The following ANO6 variants were observed in gnomAD, a reference collection of about 807,000 sequenced individuals.
ANO6 encodes anoctamin-6.
ANO6 carries 106 observed loss-of-function variants against 117.5 expected under a neutral mutation model. The observed-to-expected ratio is 0.90, with a 90% confidence interval of 0.77 to 1.06. The LOEUF is 1.06. Ranked by LOEUF, ANO6 falls within the 50% of genes least tolerant of loss-of-function variation. The pLI is 0.00. For synonymous variants in ANO6, 367 were observed against 385.1 expected (o/e 0.95, Z 0.55); for missense variants, 955 against 1,121.1 (o/e 0.85, Z 2.12).
intron 1 of ANO6, chr12:45,228,124 T>TG: frequency 3.2e-4 from 1 of 3,148 alleles, no homozygotes; most frequent in Non-Finnish European, 2.0e-3. Context: ...TTTTGTGTTG[T>TG]TTTTTTTTTT....
At chr12:45,321,979 G>T (rs560498889) in intron 2 of ANO6, among the ~76,000 whole-genome samples, 5 of 152,146 alleles carry the variant, frequency 3.3e-5, no homozygotes, top group Non-Finnish European at 7.3e-5. Context: ...TGAGCATGTG[G>T]TGGTGAAGAA....
rs372734381 is a variant in ANO6 at position 45,421,209 on chromosome 12, G to T, written c.2356G>T (p.Ala786Ser). ...CAACACTCTCTCCATCTTCAAAGTC[G>T]CAGACTTCAAAAACAAAAGCAAGGG... ...INNTLSIFKV[A>S]DFKNKSKGNP... The change falls in exon 18 of 20, where the codon GCA becomes TCA. Residue 786 changes from alanine to serine, a missense_variant. Transcript: ENST00000320560. The T allele has an allele frequency of 8.7e-6, 14 of 1,613,972 alleles. No homozygotes were observed. Among genetic ancestry groups the T allele is most frequent in the Non-Finnish European group, 1.1e-5 (13 of 1,180,012 alleles).
intron 1 of ANO6, among the ~76,000 whole-genome samples, chr12:45,259,685 G>A (rs547451720): frequency 4.5e-4 from 69 of 152,302 alleles, no homozygotes; most frequent in Non-Finnish European, 9.0e-4. Context: ...AGCCATTATA[G>A]TATGCCTTCT....
intron 3 of ANO6, among the ~76,000 whole-genome samples, chr12:45,343,459 C>G (rs778045280): frequency 6.6e-6 from 1 of 152,146 alleles, no homozygotes; most frequent in Admixed American, 6.5e-5. Flanking sequence ...TGTACAGCCT[C>G]AGGGTGAGTC....
chr12:45,280,120 C>G (rs1394846033), intron 1 of ANO6, among the ~76,000 whole-genome samples: 2 of 152,172 alleles, frequency 1.3e-5, no homozygotes, highest in Non-Finnish European at 2.9e-5. Context: ...CCCCTTTTGC[C>G]CTCTGGCAAG....
In ANO6 at chr12:45,317,841, G is replaced by A. The variant is rs141853419; in HGVS notation, c.151-13454G>A. ...AACTGGTGTGAGATGATACCTCACT[G>A]TGGTTTTGATTTGCATTTCTCTGAT... is the stretch of plus-strand genomic sequence containing the variant. On this transcript the variant is annotated intron_variant, in intron 2 of 19. Coordinates refer to ENST00000320560, the MANE Select transcript of ANO6 (RefSeq NM_001025356.3). 1.2e-3 allele frequency among the ~76,000 whole-genome samples: 189 copies of A among 152,284 alleles called. 1 individual carries two copies. The highest frequency in any genetic ancestry group is 4.4e-3 in the African/African-American group (183 of 41,552).
At chr12:45,349,335 G>C (rs1051433953) in intron 6 of ANO6, among the ~76,000 whole-genome samples, 2 of 152,132 alleles carry the variant, frequency 1.3e-5, no homozygotes, top group African/African-American at 4.8e-5. Context: ...CAGTACCCCA[G>C]ATGGTTGACA....
At chr12:45,232,575 G>A (rs1374071394) in intron 1 of ANO6, among the ~76,000 whole-genome samples, 1 of 152,106 alleles carries the variant, frequency 6.6e-6, no homozygotes, top group Non-Finnish European at 1.5e-5. Context: ...TACAAAACAG[G>A]TCTATGAGAA....
At chr12:45,410,329 A>ATGGC (rs1428512045) in intron 16 of ANO6, among the ~76,000 whole-genome samples, 4 of 152,166 alleles carry the variant, frequency 2.6e-5, no homozygotes, top group African/African-American at 9.7e-5. Flanking sequence ...GAGTGACTTC[A>ATGGC]TGGCTCATAA....
At chr12:45,389,352 T>C (rs17095835) in intron 11 of ANO6, among the ~76,000 whole-genome samples, 2,836 of 152,306 alleles carry the variant, frequency 0.019, 38 homozygotes, top group East Asian at 0.038. Flanking sequence ...TGTTGAAAGA[T>C]TGTATATTCA....
At chr12:45,237,750 A>G (rs953042536) in intron 1 of ANO6, among the ~76,000 whole-genome samples, 3 of 152,126 alleles carry the variant, frequency 2.0e-5, no homozygotes, top group Non-Finnish European at 2.9e-5. Flanking sequence ...GTTTTTTCCA[A>G]TTCTGTGAAG....
intron 16 of ANO6, 119 bp from the exon 17 acceptor site, chr12:45,416,580 C>T (rs1209750707): frequency 1.2e-6 from 1 of 854,278 alleles, no homozygotes; most frequent in South Asian, 1.4e-5. Flanking sequence ...TATTATTTAC[C>T]ACAGATGTGT....
intron 9 of ANO6, 22 bp from the exon 10 acceptor site, chr12:45,378,031 A>G (rs551261420): frequency 1.9e-6 from 3 of 1,598,664 alleles, no homozygotes; most frequent in African/African-American, 2.7e-5. Flanking sequence ...TGACTCATTT[A>G]TATGTCATTT....
chr12:45,284,569 G>A (rs1003980619), intron 1 of ANO6, among the ~76,000 whole-genome samples: 10 of 152,266 alleles, frequency 6.6e-5, no homozygotes, highest in Admixed American at 2.6e-4. Flanking sequence ...GGGCTACCTC[G>A]TCCAACTCCC....
intron 2 of ANO6, among the ~76,000 whole-genome samples, chr12:45,305,229 G>C (rs1939630307): frequency 6.6e-6 from 1 of 152,168 alleles, no homozygotes. Context: ...GTGTGGGTAA[G>C]AGTCCAGGTG....
In ANO6 at chr12:45,402,459, A is replaced by AT. The variant is rs567390958; in HGVS notation, c.1612+445dup. ...TTAATATAATTCTCATCAGCCCTTG[A>AT]TTTTTTAATGTGTTTCTTCTCTCTG... is the stretch of plus-strand genomic sequence containing the variant. On this transcript the variant is annotated intron_variant, in intron 13 of 19. Transcript: ENST00000320560. Among the ~76,000 whole-genome samples the AT allele has an allele frequency of 2.1e-3, 315 of 152,220 alleles. 1 individual carries two copies. Among genetic ancestry groups the AT allele is most frequent in the Non-Finnish European group, 3.2e-3 (219 of 68,020 alleles).
intron 1 of ANO6, among the ~76,000 whole-genome samples, chr12:45,240,752 A>G (rs1244256157): frequency 6.6e-6 from 1 of 152,112 alleles, no homozygotes; most frequent in Non-Finnish European, 1.5e-5. Context: ...CCTGGTGGTG[A>G]CAAAATGTCT....
intron 1 of ANO6, among the ~76,000 whole-genome samples, chr12:45,264,201 C>A (rs1026548432): frequency 1.3e-5 from 2 of 152,168 alleles, no homozygotes; most frequent in Non-Finnish European, 2.9e-5. Context: ...GGAATTTTTT[C>A]TTCTTCCCAC....
intron 11 of ANO6, among the ~76,000 whole-genome samples, chr12:45,389,494 T>G (rs989842624): frequency 3.3e-5 from 5 of 152,226 alleles, no homozygotes; most frequent in Non-Finnish European, 5.9e-5. Flanking sequence ...CCTGCCAATT[T>G]TATAGTTAAA....
Sources: allele counts gnomAD v4.1 joint callset (sites outside exome capture counted in the v4.1 genomes callset), GRCh38; gene constraint gnomAD v4.1.1; transcripts MANE v1.5; gene names NCBI Gene and HGNC (gene_info 2026-07-23, HGNC 2026-07-21).